The following CFAP44 variants were observed in gnomAD, a reference collection of about 807,000 sequenced individuals.
CFAP44 encodes the protein cilia and flagella associated protein 44.
CFAP44 carries 134 observed loss-of-function variants against 216.2 expected under a neutral mutation model. The ratio of observed to expected loss-of-function variants is 0.62; its 90% CI spans 0.54 to 0.72. The LOEUF (loss-of-function observed/expected upper bound fraction) is 0.72. Ranked by LOEUF, CFAP44 falls within the 30% of genes least tolerant of loss-of-function variation. CFAP44 has a pLI of 0.00. For synonymous variants in CFAP44, 700 were observed against 727.6 expected (o/e 0.96, Z 0.61); for missense variants, 2,035 against 2,182.1 (o/e 0.93, Z 1.34).
chr3:113,376,608 G>T (rs975715330), intron 17 of CFAP44, among the ~76,000 whole-genome samples: 2 of 152,184 alleles, frequency 1.3e-5, no homozygotes, highest in African/African-American at 4.8e-5. Flanking sequence ...GGTCAACTCT[G>T]TTAAATGTTC....
intron 28 of CFAP44, among the ~76,000 whole-genome samples, chr3:113,323,926 C>T (rs544955354): frequency 2.6e-5 from 4 of 151,986 alleles, no homozygotes. Context: ...TGCCTATAGT[C>T]CCAGCTACTT....
At chr3:113,332,921 C>T (rs1156597125) in intron 25 of CFAP44, among the ~76,000 whole-genome samples, 3 of 152,122 alleles carry the variant, frequency 2.0e-5, no homozygotes, top group Non-Finnish European at 2.9e-5. Flanking sequence ...AAAATATAAG[C>T]TTACCCATGA....
chr3:113,402,730 C>G (rs993714103), intron 9 of CFAP44, among the ~76,000 whole-genome samples: 2 of 152,246 alleles, frequency 1.3e-5, no homozygotes, highest in South Asian at 2.1e-4. Context: ...ACTGAAAAGA[C>G]AAGGACAGAC....
In CFAP44 at chr3:113,308,790, G is replaced by A. The variant is rs192347372; in HGVS notation, c.4517-522C>T. On this transcript the variant is annotated intron_variant, in intron 28 of 34. Coordinates refer to ENST00000393845, the MANE Select transcript of CFAP44 (RefSeq NM_001164496.2). ...TTTTTGTTTGTTTGTTTGTTTTGTA[G>A]AGACAGGGTTTCGCCATGTTGCCCA... 1.3e-3 allele frequency among the ~76,000 whole-genome samples: 204 copies of A among 152,054 alleles called. 1 individual carries two copies. Among genetic ancestry groups the A allele is most frequent in the Middle Eastern group, 3.4e-3 (1 of 294 alleles).
chr3:113,395,190 A>G (rs1207454913), intron 15 of CFAP44, among the ~76,000 whole-genome samples: 2 of 152,236 alleles, frequency 1.3e-5, no homozygotes, highest in African/African-American at 2.4e-5. Flanking sequence ...CAGTCAATCA[A>G]TATTTAGATG....
intron 28 of CFAP44, among the ~76,000 whole-genome samples, chr3:113,323,483 G>C (rs1037598341): frequency 1.3e-5 from 2 of 152,056 alleles, no homozygotes; most frequent in Non-Finnish European, 2.9e-5. Flanking sequence ...AGGGAAGGAG[G>C]GGGGCATTGG....
At chr3:113,342,374 A>G (rs562002590) in intron 23 of CFAP44, among the ~76,000 whole-genome samples, 17 of 152,250 alleles carry the variant, frequency 1.1e-4, no homozygotes, top group Non-Finnish European at 5.9e-5. Context: ...GTATTTATTG[A>G]CCAACTACTA....
At chr3:113,320,811 C>G (rs1950140036) in intron 28 of CFAP44, among the ~76,000 whole-genome samples, 2 of 151,936 alleles carry the variant, frequency 1.3e-5, no homozygotes, top group Admixed American at 1.3e-4. Flanking sequence ...ATTTTTCTGC[C>G]AGCTTTATAT....
chr3:113,295,724 T>C (rs1293385850), intron 33 of CFAP44, among the ~76,000 whole-genome samples: 2 of 152,214 alleles, frequency 1.3e-5, no homozygotes, highest in African/African-American at 4.8e-5. Flanking sequence ...GGGAACAATA[T>C]GTAGGCATTA....
intron 28 of CFAP44, 62 bp from the exon 29 acceptor site, chr3:113,308,330 T>C: frequency 3.1e-6 from 4 of 1,289,914 alleles, no homozygotes; most frequent in Non-Finnish European, 4.2e-6. Flanking sequence ...ATACTAGATT[T>C]TTAAAGTAAA....
intron 18 of CFAP44, among the ~76,000 whole-genome samples, chr3:113,366,813 G>A (rs970233348): frequency 1.3e-5 from 2 of 152,236 alleles, no homozygotes; most frequent in Admixed American, 6.5e-5. Flanking sequence ...CTAGCCAAGG[G>A]AAACTGTGAC....
chr3:113,405,863 T>C lies in CFAP44; in HGVS notation c.1005+1064A>G, dbSNP rs186498857. Among the ~76,000 whole-genome samples, 278 of 152,344 alleles carry C rather than the reference T, an allele frequency of 1.8e-3. 1 individual carries two copies. Among genetic ancestry groups the C allele is most frequent in the African/African-American group, 6.4e-3 (268 of 41,576 alleles). ...TTGAAGCTGGGATGATTTAAGATCA[T>C]CTCATGGATTTAGACATATAGTTTC... On this transcript the variant is annotated intron_variant, in intron 8 of 34. Coordinates refer to ENST00000393845, the MANE Select transcript of CFAP44 (RefSeq NM_001164496.2).
chr3:113,303,286 G>A (rs1226916276), intron 32 of CFAP44, among the ~76,000 whole-genome samples: 1 of 152,148 alleles, frequency 6.6e-6, no homozygotes, highest in Non-Finnish European at 1.5e-5. Context: ...AAGGTTTCCT[G>A]TAACATTGTC....
chr3:113,361,683 G>A (rs559796969), intron 21 of CFAP44, among the ~76,000 whole-genome samples: 1 of 151,512 alleles, frequency 6.6e-6, no homozygotes, highest in South Asian at 2.1e-4. Context: ...ATTTTTTAGT[G>A]GAGACAGGGT....
chr3:113,293,259 T>C (rs1386200985), intron 34 of CFAP44, among the ~76,000 whole-genome samples: 1 of 152,222 alleles, frequency 6.6e-6, no homozygotes, highest in African/African-American at 2.4e-5. Flanking sequence ...CTTTTGATAT[T>C]TGACACATTT....
At chr3:113,433,218 C>T (rs1935150165) in intron 2 of CFAP44, among the ~76,000 whole-genome samples, 1 of 151,834 alleles carries the variant, frequency 6.6e-6, no homozygotes, top group African/African-American at 2.4e-5. Context: ...CACCTGAGGT[C>T]AGGAGTTCGA....
chr3:113,383,909 C>T (rs1226281175), intron 15 of CFAP44, among the ~76,000 whole-genome samples: 1 of 150,076 alleles, frequency 6.7e-6, no homozygotes, highest in Admixed American at 6.6e-5. Flanking sequence ...TAGCCCCCAA[C>T]CCCCTGCCAG....
At chr3:113,380,533 C>T (rs1933479200) in intron 16 of CFAP44, among the ~76,000 whole-genome samples, 3 of 152,028 alleles carry the variant, frequency 2.0e-5, no homozygotes, top group Non-Finnish European at 2.9e-5. Context: ...CGGGCTCAAG[C>T]GATCCTCCCA....
At chr3:113,377,572 C>A (rs904657425) in intron 17 of CFAP44, among the ~76,000 whole-genome samples, 1 of 151,984 alleles carries the variant, frequency 6.6e-6, no homozygotes, top group African/African-American at 2.4e-5. Context: ...TAGAAAAATA[C>A]CTGATACAGA....
Sources: gnomAD v4.1 joint callset for allele counts (sites outside exome capture counted in the v4.1 genomes callset) on GRCh38, gnomAD v4.1.1 for gene constraint, MANE v1.5 for transcripts, NCBI Gene and HGNC (gene_info 2026-07-23, HGNC 2026-07-21) for gene names.